The following AQP9 variants were observed in gnomAD, a reference collection of about 807,000 sequenced individuals.
AQP9 encodes the protein aquaporin-9.
Under a neutral mutation model 23.8 loss-of-function variants are expected in AQP9, and 19 were observed. The ratio of observed to expected loss-of-function variants is 0.80; its 90% CI spans 0.56 to 1.17. The LOEUF (loss-of-function observed/expected upper bound fraction) is 1.17, where lower values mean the gene tolerates loss of function less well. Ranked by LOEUF, AQP9 falls within the 50% of genes most tolerant of loss-of-function variation. The pLI is 0.00. For synonymous variants in AQP9, 153 were observed against 131.5 expected (o/e 1.16, Z -1.12); for missense variants, 413 against 362.0 (o/e 1.14, Z -1.14).
intron 1 of AQP9, chr15:58,153,132 C>T (rs1367082069): frequency 2.0e-5 from 3 of 152,096 alleles, no homozygotes; most frequent in Admixed American, 6.5e-5. Context: ...AAACGATTGG[C>T]GATATTGGCT....
At chr15:58,147,772 C>A (rs1411050980) in intron 1 of AQP9, among the ~76,000 whole-genome samples, 2 of 152,030 alleles carry the variant, frequency 1.3e-5, no homozygotes, top group East Asian at 3.9e-4. Context: ...ATGCAAGACT[C>A]CTATTTACCC....
At chr15:58,144,798 G>T (rs1293360253) in intron 1 of AQP9, among the ~76,000 whole-genome samples, 1 of 151,542 alleles carries the variant, frequency 6.6e-6, no homozygotes, top group East Asian at 2.0e-4. Context: ...GGCGGATCAA[G>T]AGGTCAGGAG....
intron 1 of AQP9, chr15:58,164,069 C>T (rs141243068): frequency 6.6e-6 from 1 of 152,604 alleles, no homozygotes; most frequent in East Asian, 1.9e-4. Flanking sequence ...CTGAAGTCCC[C>T]ACATTGCTCA....
At chr15:58,174,804 C>A in intron 3 of AQP9, 114 bp from the exon 4 acceptor site, 1 of 818,680 alleles carries the variant, frequency 1.2e-6, no homozygotes, top group Non-Finnish European at 2.1e-6. Flanking sequence ...AGACAAATGA[C>A]ATGGCTATGC....
chr15:58,149,442 G>C (rs1465566765), intron 1 of AQP9, among the ~76,000 whole-genome samples: 1 of 152,144 alleles, frequency 6.6e-6, no homozygotes, highest in Non-Finnish European at 1.5e-5. Flanking sequence ...ACCACTTATG[G>C]GAATGTGAGA....
At chr15:58,167,169 G>T (rs1898527407) in intron 2 of AQP9, among the ~76,000 whole-genome samples, 1 of 152,192 alleles carries the variant, frequency 6.6e-6, no homozygotes, top group African/African-American at 2.4e-5. Context: ...ACAGAGGCAA[G>T]TCCTGGACCT....
chr15:58,178,711 T>G (rs1366976489), intron 4 of AQP9, among the ~76,000 whole-genome samples: 1 of 152,258 alleles, frequency 6.6e-6, no homozygotes, highest in Non-Finnish European at 1.5e-5. Flanking sequence ...CACACTCATC[T>G]ATTGATATCT....
intron 1 of AQP9, chr15:58,152,505 A>G (rs1898170035): frequency 6.6e-6 from 1 of 152,174 alleles, no homozygotes; most frequent in African/African-American, 2.4e-5. Context: ...TGGGGTTTGC[A>G]TACTGTAAAT....
intron 1 of AQP9, among the ~76,000 whole-genome samples, chr15:58,141,434 G>C (rs1301843673): frequency 2.0e-5 from 3 of 152,150 alleles, no homozygotes; most frequent in African/African-American, 7.2e-5. Flanking sequence ...TCAAGCTTCC[G>C]CATTAGAGGT....
At chr15:58,183,193 T>A (rs899699897) in intron 5 of AQP9, among the ~76,000 whole-genome samples, 9 of 152,218 alleles carry the variant, frequency 5.9e-5, no homozygotes, top group Admixed American at 1.3e-4. Flanking sequence ...AAAAATACTT[T>A]TATCTTAAAT....
chr15:58,177,932 A>G (rs1898794139), intron 4 of AQP9, among the ~76,000 whole-genome samples: 1 of 152,318 alleles, frequency 6.6e-6, no homozygotes, highest in South Asian at 2.1e-4. Flanking sequence ...CATATCCATG[A>G]ATTCTGCATC....
chr15:58,148,275 A>T (rs930948064), intron 1 of AQP9, among the ~76,000 whole-genome samples: 5 of 152,346 alleles, frequency 3.3e-5, no homozygotes, highest in African/African-American at 1.2e-4. Flanking sequence ...GTTAAACCAA[A>T]ATAAGCAGTT....
At position 58,183,688 on chromosome 15, in the gene AQP9, G is replaced by A. The variant is rs528606375; in HGVS notation, c.714-273G>A. Among the ~76,000 whole-genome samples the A allele has an allele frequency of 6.6e-4, 100 of 152,100 alleles. 1 individual carries two copies. The South Asian group carries it at 7.7e-3, about 12-fold the overall frequency. ...TAGGGGCCCTCAATCTTAACGATGG[G>A]CTCAGGCACTATATTTTATAAAAAG... On this transcript the variant is annotated intron_variant, in intron 5 of 5. Transcript: ENST00000219919.
intron 4 of AQP9, 23 bp downstream of exon 4, chr15:58,175,059 C>T (rs1386200997): frequency 1.3e-6 from 2 of 1,570,290 alleles, no homozygotes; most frequent in African/African-American, 2.7e-5. Context: ...TCAACAAAGA[C>T]TTAACTTTGG....
chr15:58,150,710 A>G lies in AQP9; in HGVS notation c.111+12034A>G, dbSNP rs1480416251. The G allele has an allele frequency of 9.8e-5, 15 of 152,334 alleles. No homozygotes were observed. In the South Asian group the frequency reaches 1.4e-3, roughly 15 times the overall value. 9.4% of individuals were successfully genotyped at this position (152,334 alleles called of 1,614,324 possible). On this transcript the variant is annotated intron_variant, in intron 1 of 5. Coordinates refer to ENST00000219919, the MANE Select transcript of AQP9 (RefSeq NM_020980.5). Reference sequence around the variant, plus strand: ...TTGACTCCCATAACTTAATATTTATATAGAAAAATCCAGCCCTTATGAATG... The same window carrying G: ...TTGACTCCCATAACTTAATATTTATGTAGAAAAATCCAGCCCTTATGAATG...
At position 58,179,034 on chromosome 15, in the gene AQP9, T is replaced by C. The variant is rs1387200133; in HGVS notation, c.496-94T>C. 7 of 842,956 alleles carry C rather than the reference T, an allele frequency of 8.3e-6. No individual in the cohort carries two copies. In the South Asian group the frequency reaches 1.2e-4, roughly 14 times the overall value. 52.2% of individuals were successfully genotyped at this position (842,956 alleles called of 1,614,324 possible). ...TGTAATATAAGTAAAATAGTAATAT[T>C]GTAATATTGTAAAATAGTAAGAAGG... On this transcript the variant is annotated intron_variant, in intron 4 of 5. Transcript: ENST00000219919.
At position 58,184,212 on chromosome 15, in the gene AQP9, G is replaced by T. The variant is rs189492016; in HGVS notation, c.*77G>T. The T allele has an allele frequency of 7.4e-6, 11 of 1,489,094 alleles. No homozygotes were observed. In the Admixed American group the frequency reaches 2.1e-4, roughly 28 times the overall value. 92.2% of individuals were successfully genotyped at this position (1,489,094 alleles called of 1,614,324 possible). Reference sequence around the variant, plus strand: ...ATGGCATCTAAGTGTCTGTGTTCTTGTAAGCCTGAGGTGGAATCCACCCAG... The same window carrying T: ...ATGGCATCTAAGTGTCTGTGTTCTTTTAAGCCTGAGGTGGAATCCACCCAG... On this transcript the variant is annotated 3_prime_UTR_variant, in exon 6 of 6. Coordinates refer to ENST00000219919, the MANE Select transcript of AQP9 (RefSeq NM_020980.5).
intron 1 of AQP9, chr15:58,150,975 G>A (rs1223581941): frequency 6.6e-6 from 1 of 152,130 alleles, no homozygotes; most frequent in Non-Finnish European, 1.5e-5. Context: ...TTGGTAGATA[G>A]TTTAAGTTAA....
rs186894716 is a variant in AQP9 at position 58,180,856 on chromosome 15, T to C, written c.713+1511T>C. On this transcript the variant is annotated intron_variant, in intron 5 of 5. Transcript: ENST00000219919. Reference sequence around the variant, plus strand: ...TGTTAATAGGTTTGTGGTTGAGAAATTCTCTCCTAGAATGATCACAACTAG... The same window carrying C: ...TGTTAATAGGTTTGTGGTTGAGAAACTCTCTCCTAGAATGATCACAACTAG... Among the ~76,000 whole-genome samples, 344 of 152,316 alleles carry C rather than the reference T, an allele frequency of 2.3e-3. 1 individual carries two copies. The highest frequency in any genetic ancestry group is 7.9e-3 in the African/African-American group (327 of 41,568).
Sources: allele counts gnomAD v4.1 joint callset (sites outside exome capture counted in the v4.1 genomes callset), GRCh38; gene constraint gnomAD v4.1.1; transcripts MANE v1.5; gene names NCBI Gene and HGNC (gene_info 2026-07-23, HGNC 2026-07-21).